The following PRRG2 variants were observed in gnomAD, a reference collection of about 807,000 sequenced individuals.
The protein encoded by PRRG2 is transmembrane gamma-carboxyglutamic acid protein 2.
A neutral mutation model predicts 27.1 loss-of-function variants in PRRG2; 23 were observed. The ratio of observed to expected loss-of-function variants is 0.85; its 90% CI spans 0.61 to 1.20. The LOEUF (loss-of-function observed/expected upper bound fraction) is 1.20. Among genes scored for constraint, PRRG2 ranks in the 50% most tolerant of loss-of-function variants. The probability of loss-of-function intolerance (pLI) is 0.00; values close to 1 mark genes in which losing one functional copy is unlikely to be tolerated. For missense variants in PRRG2, 276 were observed against 254.8 expected, an observed-to-expected ratio of 1.08 and a Z score of -0.57; for synonymous variants, 104 against 103.4, an observed-to-expected ratio of 1.01 and a Z score of -0.03.
rs752206748 is a variant in PRRG2, at chr19:49,583,923, G to A, written c.272G>A (p.Trp91Ter). 2.2e-5 allele frequency: 36 copies of A among 1,613,804 alleles called. No homozygotes were observed. Among genetic ancestry groups the A allele is most frequent in the Non-Finnish European group, 3.0e-5 (35 of 1,179,902 alleles). The change falls in exon 4 of 7, where the codon TGG becomes TAG. Residue 91 changes from tryptophan (W) to a stop codon, truncating the protein, a stop_gained. Transcript: ENST00000246794. LOFTEE classifies it high-confidence loss of function. ...TCCTTCCCCCTCAAGGAGCGCTTTT[G>A]GGAGAGCTACATCTACAATGGCAAA... The part of the protein sequence containing the change: ...FEDNTLTERF[W>*]ESYIYNGKGG...
chr19:49,582,737 C>T (rs1450686946), intron 1 of PRRG2, among the ~76,000 whole-genome samples: 1 of 151,874 alleles, frequency 6.6e-6, no homozygotes, highest in Non-Finnish European at 1.5e-5. Context: ...GCATGGTGGC[C>T]GGCACCTGTA....
chr19:49,589,639 CAT>C (rs1410033463), intron 5 of PRRG2, among the ~76,000 whole-genome samples: 1 of 151,766 alleles, frequency 6.6e-6, no homozygotes, highest in Non-Finnish European at 1.5e-5. Context: ...ATCTGGTGCA[CAT>C]GAGTGTGTCT....
chr19:49,588,688 C>T, intron 5 of PRRG2, 56 bp downstream of exon 5: 1 of 1,490,864 alleles, frequency 6.7e-7, no homozygotes, highest in Non-Finnish European at 8.9e-7. Context: ...AGGGAGGAAG[C>T]ATTGACCTAA....
At chr19:49,588,837 C>T (rs1345745607) in intron 5 of PRRG2, among the ~76,000 whole-genome samples, 2 of 152,140 alleles carry the variant, frequency 1.3e-5, no homozygotes, top group Admixed American at 6.6e-5. Flanking sequence ...GTACCTGGCC[C>T]GCAGTAGGAG....
Position 49,583,291 on chromosome 19 carries a change from G to C in PRRG2, c.72G>C (p.Glu24Asp). 1 of 1,614,108 alleles carries C rather than the reference G, an allele frequency of 6.2e-7. No homozygotes were observed. The highest frequency in any genetic ancestry group is 8.5e-7 in the Non-Finnish European group (1 of 1,179,970). Residue 24 changes from glutamate to aspartate, a missense_variant, in exon 2 of 7, where the codon GAG (glutamate) becomes GAC (aspartate). Coordinates refer to ENST00000246794, the MANE Select transcript of PRRG2 (RefSeq NM_000951.3). The part of the protein sequence containing the change: ...LTTCLDTSPS[E>D]ETDQEVFLGP... Reference sequence around the variant, plus strand: ...CCTGCCTGGATACTTCACCCAGTGAGGAGACAGACCAAGGTGAGTGTTTGG... The same window carrying C: ...CCTGCCTGGATACTTCACCCAGTGACGAGACAGACCAAGGTGAGTGTTTGG...
At chr19:49,589,767 T>C in intron 5 of PRRG2, 133 bp from the exon 6 acceptor site, 1 of 1,010,274 alleles carries the variant, frequency 9.9e-7, no homozygotes, top group Non-Finnish European at 1.5e-6. Flanking sequence ...GACCCTCCTT[T>C]TCTGAAGTCC....
chr19:49,590,187 C>CGGGGA, intron 6 of PRRG2, 135 bp downstream of exon 6: 1 of 1,358,954 alleles, frequency 7.4e-7, no homozygotes, highest in South Asian at 1.3e-5. Flanking sequence ...GGGGGCGGGG[C>CGGGGA]CCCATGCAAT....
chr19:49,589,869 C>T, intron 5 of PRRG2, 31 bp from the exon 6 acceptor site: 3 of 1,611,518 alleles, frequency 1.9e-6, no homozygotes, highest in South Asian at 1.1e-5. Flanking sequence ...CTGTAAGTTG[C>T]CTCTGCTAAC....
chr19:49,588,052 C>T (rs1053570647), intron 4 of PRRG2, among the ~76,000 whole-genome samples: 4 of 152,266 alleles, frequency 2.6e-5, no homozygotes, highest in African/African-American at 9.6e-5. Flanking sequence ...ACATCCACCT[C>T]CTGAGTTCAA....
intron 4 of PRRG2, among the ~76,000 whole-genome samples, chr19:49,587,297 C>T (rs185687651): frequency 3.1e-3 from 454 of 148,500 alleles, no homozygotes; most frequent in Non-Finnish European, 3.9e-3. Flanking sequence ...ATTTTAAAAG[C>T]GTATTCCAAG....
chr19:49,586,331 T>C (rs1029604148), intron 4 of PRRG2, among the ~76,000 whole-genome samples: 6 of 150,968 alleles, frequency 4.0e-5, no homozygotes, highest in Non-Finnish European at 8.8e-5. Context: ...CCAGTGATCC[T>C]CCTGCCTTGG....
At chr19:49,582,296 C>T (rs1025966818) in intron 1 of PRRG2, among the ~76,000 whole-genome samples, 1 of 139,110 alleles carries the variant, frequency 7.2e-6, no homozygotes, top group Non-Finnish European at 1.5e-5. Flanking sequence ...TTGTTTTTGA[C>T]ATGGAATCTC....
chr19:49,589,345 C>T (rs1226461026), intron 5 of PRRG2, among the ~76,000 whole-genome samples: 4 of 150,988 alleles, frequency 2.6e-5, no homozygotes, highest in Admixed American at 6.6e-5. Flanking sequence ...AGGCTGGTTT[C>T]GAACTCCTGA....
intron 4 of PRRG2, among the ~76,000 whole-genome samples, chr19:49,585,112 G>A (rs2080659534): frequency 6.6e-6 from 1 of 152,064 alleles, no homozygotes. Context: ...CAGACCAGAC[G>A]AAGAAGCCTG....
intron 1 of PRRG2, 133 bp from the exon 2 acceptor site, chr19:49,583,074 T>G: frequency 1.5e-6 from 1 of 668,726 alleles, no homozygotes; most frequent in Non-Finnish European, 2.6e-6. Flanking sequence ...GTAAACAGTA[T>G]CTGGCACAGA....
rs374022092 is a variant in PRRG2 at position 49,590,399 on chromosome 19, T to C, written c.*10T>C. 44 of 1,614,080 alleles carry C rather than the reference T, an allele frequency of 2.7e-5. No homozygotes were observed. The highest frequency in any genetic ancestry group is 3.3e-4 in the Middle Eastern group (2 of 6,058). On this transcript the variant is annotated 3_prime_UTR_variant, in exon 7 of 7. Transcript: ENST00000246794. Reference sequence around the variant, plus strand: ...CAGGAGGCCTCACTGAAGAGCTGCTTTCGAGACCCGGCTCTCCGAACCGTG... The same window carrying C: ...CAGGAGGCCTCACTGAAGAGCTGCTCTCGAGACCCGGCTCTCCGAACCGTG...
chr19:49,590,781 C>T lies in PRRG2; in HGVS notation c.*392C>T, dbSNP rs2122267947. On this transcript the variant is annotated 3_prime_UTR_variant, in exon 7 of 7. Transcript: ENST00000246794. ...CACAGGGTACGCACACGCAGAGCCC[C>T]GCCTGTGCACACGCGTGTCTTCGTG... is the stretch of plus-strand genomic sequence containing the variant. 1 of 280,516 alleles carries T rather than the reference C, an allele frequency of 3.6e-6. No individual in the cohort carries two copies. The highest frequency in any genetic ancestry group is 1.0e-4 in the East Asian group (1 of 9,886). 17.4% of individuals were successfully genotyped at this position (280,516 alleles called of 1,614,324 possible). A position where few individuals can be genotyped will look rare whatever the true frequency, so the allele number is the denominator to read the frequency against.
chr19:49,590,223 TA>T, intron 6 of PRRG2, 147 bp from the exon 7 acceptor site: 2 of 1,431,370 alleles, frequency 1.4e-6, no homozygotes, highest in Non-Finnish European at 9.7e-7. Context: ...CCCAGCGTTG[TA>T]TGTGTGGAGC....
At chr19:49,580,697 T>C (rs1568414757), upstream of PRRG2, 1 of 152,146 alleles carries the variant, frequency 6.6e-6, no homozygotes, top group Non-Finnish European at 1.5e-5. Flanking sequence ...TCTTTCTCTC[T>C]CCGGAAACGT....
Sources: allele counts gnomAD v4.1 joint callset (sites outside exome capture counted in the v4.1 genomes callset), GRCh38; gene constraint gnomAD v4.1.1; transcripts MANE v1.5; gene names NCBI Gene and HGNC (gene_info 2026-07-23, HGNC 2026-07-21).